DPP8: variants seen among roughly 807,000 people sequenced by gnomAD.
DPP8 encodes dipeptidyl peptidase 8.
A neutral mutation model predicts 107.5 loss-of-function variants in DPP8; 31 were observed. That is an observed-to-expected ratio of 0.29 (90% CI 0.22 to 0.39). The LOEUF is 0.39. Ranked by LOEUF, DPP8 falls within the 10% of genes least tolerant of loss-of-function variation. The pLI is 1.00. For synonymous variants in DPP8, 381 were observed against 356.6 expected, an observed-to-expected ratio of 1.07 and a Z score of -0.77; for missense variants, 842 against 1,076.1, an observed-to-expected ratio of 0.78 and a Z score of 3.04.
At chr15:65,493,656 A>G (rs1053348254) in intron 5 of DPP8, among the ~76,000 whole-genome samples, 1 of 152,190 alleles carries the variant, frequency 6.6e-6, no homozygotes, top group African/African-American at 2.4e-5. Flanking sequence ...CAAGACTATG[A>G]AGATAAGTAA....
At chr15:65,506,148 G>A (rs1360034785) in intron 3 of DPP8, among the ~76,000 whole-genome samples, 1 of 151,232 alleles carries the variant, frequency 6.6e-6, no homozygotes, top group Non-Finnish European at 1.5e-5. Context: ...TAGCTAACAC[G>A]GTGAAACTGT....
rs1432951432 is a variant in DPP8, at chr15:65,500,707, C to T, written c.445G>A (p.Gly149Arg). Residue 149 changes from glycine to arginine, a missense_variant, in exon 4 of 20, where the codon GGA becomes AGA. Gly to Arg is a moderately radical substitution (Grantham distance 125). This residue lies in a region of DPP8 where 663 missense variants were observed against 758.0 expected (regional missense o/e 0.87). Transcript: ENST00000300141. ...LRERKRIGTV[G>R]IASYDYHQGS... ...TGGTGATAATCGTAAGAAGCAATTC[C>T]GACTGTTCCAATGCGTTTTCTTTCT... 22 of 1,613,642 alleles carry T rather than the reference C, an allele frequency of 1.4e-5. No individual in the cohort carries two copies. The highest frequency in any genetic ancestry group is 1.7e-5 in the Non-Finnish European group (20 of 1,179,732).
chr15:65,491,756 G>A (rs189592938), intron 5 of DPP8, among the ~76,000 whole-genome samples: 22 of 152,100 alleles, frequency 1.4e-4, no homozygotes, highest in African/African-American at 4.6e-4. Context: ...TTTTTGAGAC[G>A]GAGTCTCGCT....
intron 8 of DPP8, among the ~76,000 whole-genome samples, chr15:65,482,997 C>T (rs1050419047): frequency 6.6e-5 from 10 of 151,600 alleles, no homozygotes; most frequent in Non-Finnish European, 8.8e-5. Context: ...CTCTGGAGGC[C>T]GAGGCAGGAG....
At chr15:65,476,841 C>T (rs1443194854) in intron 11 of DPP8, among the ~76,000 whole-genome samples, 3 of 152,074 alleles carry the variant, frequency 2.0e-5, no homozygotes, top group Non-Finnish European at 4.4e-5. Flanking sequence ...TATATACATA[C>T]AACGAAACCT....
At chr15:65,484,655 C>CAAAA (rs1161936925) in intron 8 of DPP8, among the ~76,000 whole-genome samples, 2 of 98,346 alleles carry the variant, frequency 2.0e-5, no homozygotes, top group African/African-American at 3.8e-5. Context: ...GCTCTTAACT[C>CAAAA]AAAAAAAAAA....
At chr15:65,511,143 A>C (rs2070721070) in intron 2 of DPP8, among the ~76,000 whole-genome samples, 1 of 152,194 alleles carries the variant, frequency 6.6e-6, no homozygotes, top group African/African-American at 2.4e-5. Flanking sequence ...ACATGTGCAA[A>C]ATGATCTAAT....
intron 4 of DPP8, among the ~76,000 whole-genome samples, chr15:65,500,087 A>G (rs2140990230): frequency 6.6e-6 from 1 of 151,946 alleles, no homozygotes; most frequent in African/African-American, 2.4e-5. Flanking sequence ...TTTTTTGTAG[A>G]GACAGGGTCT....
chr15:65,481,595 C>T lies in DPP8; in HGVS notation c.1038G>A (p.Lys346=). The change falls in exon 9 of 20, where the codon AAG becomes AAA. Residue 346 remains lysine (K), a synonymous_variant. Transcript: ENST00000300141. ...GAATCTCAAAAGGTTGAATTAGTTC[C>T]TTATCTATGACATCTATGATCTATT... ...AEGRIIDVID[K]ELIQPFEILF... The T allele has an allele frequency of 6.4e-7, 1 of 1,559,338 alleles. No individual in the cohort carries two copies. Among genetic ancestry groups the T allele is most frequent in the Non-Finnish European group, 8.7e-7 (1 of 1,146,670 alleles).
intron 5 of DPP8, among the ~76,000 whole-genome samples, chr15:65,493,949 CA>C (rs1476191358): frequency 1.9e-4 from 29 of 149,952 alleles, no homozygotes; most frequent in African/African-American, 7.1e-4. Flanking sequence ...CATACTTACA[CA>C]ACAGTTACTA....
At chr15:65,516,071 A>C (rs2071408861) in intron 1 of DPP8, 2 of 354,138 alleles carry the variant, frequency 5.6e-6, no homozygotes, top group Non-Finnish European at 1.0e-5. Context: ...AAGGCTTTAA[A>C]AAGTTACAAA....
At chr15:65,499,105 G>GTGTGTGTGTGTGTGTGTGTA (rs1555468189) in intron 4 of DPP8, among the ~76,000 whole-genome samples, 98 of 138,816 alleles carry the variant, frequency 7.1e-4, no homozygotes, top group African/African-American at 2.4e-3. Context: ...GTGTGTGTGT[G>GTGTGTGTGTGTGTGTGTGTA]TATATATAAA....
chr15:65,502,304 G>GAA (rs11320643), intron 3 of DPP8, among the ~76,000 whole-genome samples: 6 of 147,206 alleles, frequency 4.1e-5, no homozygotes, highest in Non-Finnish European at 1.5e-5. Flanking sequence ...TTGCTAAATG[G>GAA]AAAAAAAAAA....
At chr15:65,506,212 C>T (rs1050938716) in intron 3 of DPP8, among the ~76,000 whole-genome samples, 1 of 151,792 alleles carries the variant, frequency 6.6e-6, no homozygotes, top group Non-Finnish European at 1.5e-5. Flanking sequence ...GCCTGTAATC[C>T]CAGCTACTTG....
intron 2 of DPP8, among the ~76,000 whole-genome samples, chr15:65,507,836 G>A (rs926599670): frequency 6.6e-6 from 1 of 152,092 alleles, no homozygotes; most frequent in Non-Finnish European, 1.5e-5. Context: ...GTTGGCAACA[G>A]GCTCATGAGA....
intron 12 of DPP8, among the ~76,000 whole-genome samples, chr15:65,467,905 T>C (rs2065501071): frequency 6.6e-6 from 1 of 152,222 alleles, no homozygotes; most frequent in African/African-American, 2.4e-5. Context: ...CTTGTATATT[T>C]ATTAGTTAGT....
At chr15:65,475,449 A>G (rs2066297837) in intron 11 of DPP8, 4 of 1,568,804 alleles carry the variant, frequency 2.5e-6, no homozygotes, top group Admixed American at 1.7e-5. Flanking sequence ...TCAGGGAGCC[A>G]GGGTCCAGAG....
intron 7 of DPP8, 92 bp from the exon 8 acceptor site, chr15:65,485,252 A>G (rs2067291482): frequency 9.0e-6 from 9 of 998,416 alleles, no homozygotes; most frequent in East Asian, 4.9e-5. Flanking sequence ...TTAGTTAAGA[A>G]TAACGTATAG....
Position 65,475,679 on chromosome 15 carries a change from A to G in DPP8, c.1457-1391T>C, listed in dbSNP as rs2066318934. ...AAACTCACAAAAGAAAATGTTTAAT[A>G]CAATTGTTCTTCATTTGCCAAAAAA... On this transcript the variant is annotated intron_variant, in intron 11 of 19. Transcript: ENST00000300141. The G allele has an allele frequency of 4.9e-6, 3 of 615,830 alleles. No individual in the cohort carries two copies. The Admixed American group carries it at 8.0e-5, about 16-fold the overall frequency. 38.1% of individuals were successfully genotyped at this position (615,830 alleles called of 1,614,324 possible).
Sources: allele counts gnomAD v4.1 joint callset (sites outside exome capture counted in the v4.1 genomes callset), GRCh38; gene constraint gnomAD v4.1.1; regional missense constraint gnomAD v4.1.1; transcripts MANE v1.5; gene names NCBI Gene and HGNC (gene_info 2026-07-23, HGNC 2026-07-21).